NXPE2: variants seen among roughly 807,000 people sequenced by gnomAD.
The protein encoded by NXPE2 is NXPE family member 2.
A neutral mutation model predicts 34.4 loss-of-function variants in NXPE2; 34 were observed. The ratio of observed to expected loss-of-function variants is 0.99; its 90% CI spans 0.75 to 1.31. NXPE2 has a LOEUF of 1.31. NXPE2 is among the 40% of genes most tolerant of loss of function. NXPE2 has a pLI of 0.00. For synonymous variants in NXPE2, 235 were observed against 231.3 expected, an observed-to-expected ratio of 1.02 and a Z score of -0.15; for missense variants, 649 against 672.5, an observed-to-expected ratio of 0.97 and a Z score of 0.39.
the NXPE2 span, among the ~76,000 whole-genome samples, chr11:114,808,835 T>G: frequency 6.6e-6 from 1 of 152,154 alleles, no homozygotes; most frequent in Non-Finnish European, 1.5e-5. Flanking sequence ...CCTGCCTAAC[T>G]CATTTTATGA....
the NXPE2 span, among the ~76,000 whole-genome samples, chr11:114,497,609 T>A: frequency 6.6e-6 from 1 of 152,174 alleles, no homozygotes; most frequent in African/African-American, 2.4e-5. Flanking sequence ...ATAGGCAATA[T>A]CATATAGCCT....
chr11:114,693,022 A>T (rs1394135207), intron 2 of NXPE2, among the ~76,000 whole-genome samples: 1 of 152,236 alleles, frequency 6.6e-6, no homozygotes, highest in East Asian at 1.9e-4. Context: ...TTATCTCAAA[A>T]TAAAAAGCTT....
the NXPE2 span, among the ~76,000 whole-genome samples, chr11:114,785,540 CT>C: frequency 2.6e-5 from 4 of 152,152 alleles, no homozygotes; most frequent in African/African-American, 9.7e-5. Context: ...TTTCCTCCCC[CT>C]GTCTATGGTG....
At chr11:114,609,932 G>T in the NXPE2 span, among the ~76,000 whole-genome samples, 1 of 151,834 alleles carries the variant, frequency 6.6e-6, no homozygotes, top group Non-Finnish European at 1.5e-5. Flanking sequence ...TGGATAATAA[G>T]TGTTGCCTCG....
chr11:114,529,942 C>G, the NXPE2 span: 2 of 489,726 alleles, frequency 4.1e-6, no homozygotes, highest in Non-Finnish European at 3.6e-6. Flanking sequence ...AGTGGAACAT[C>G]TGTGAACACA....
upstream of NXPE2, among the ~76,000 whole-genome samples, chr11:114,674,126 C>CAAACA (rs59039274): frequency 0.034 from 2,744 of 80,990 alleles, 39 homozygotes; most frequent in African/African-American, 0.059. Flanking sequence ...AACAAACAAA[C>CAAACA]AAGTGAACAA....
At chr11:114,685,544 G>A (rs2135539330) in intron 2 of NXPE2, among the ~76,000 whole-genome samples, 1 of 152,250 alleles carries the variant, frequency 6.6e-6, no homozygotes, top group African/African-American at 2.4e-5. Context: ...ACAAATTTGG[G>A]AGAACCACAA....
chr11:114,624,298 G>A, the NXPE2 span, among the ~76,000 whole-genome samples: 1 of 152,004 alleles, frequency 6.6e-6, no homozygotes, highest in African/African-American at 2.4e-5. Context: ...CTGTTACCCG[G>A]TGGATAATAA....
chr11:114,563,601 C>T, the NXPE2 span, among the ~76,000 whole-genome samples: 2 of 152,024 alleles, frequency 1.3e-5, no homozygotes, highest in Admixed American at 1.3e-4. Context: ...CCAGAATCTA[C>T]AAGGAACTCA....
chr11:114,764,518 C>A, the NXPE2 span, among the ~76,000 whole-genome samples: 1 of 151,988 alleles, frequency 6.6e-6, no homozygotes, highest in Non-Finnish European at 1.5e-5. Context: ...CAAAATGTTA[C>A]CAACTGATGA....
chr11:114,756,285 C>A, the NXPE2 span, among the ~76,000 whole-genome samples: 1 of 152,160 alleles, frequency 6.6e-6, no homozygotes, highest in Non-Finnish European at 1.5e-5. Flanking sequence ...GGCCTGGGCA[C>A]AGGTCCCAGC....
chr11:114,574,995 T>C, the NXPE2 span, among the ~76,000 whole-genome samples: 1 of 152,108 alleles, frequency 6.6e-6, no homozygotes, highest in African/African-American at 2.4e-5. Flanking sequence ...TAATCCACCA[T>C]GATCAAGTGG....
At chr11:114,624,064 C>A in the NXPE2 span, among the ~76,000 whole-genome samples, 3 of 151,720 alleles carry the variant, frequency 2.0e-5, no homozygotes, top group Non-Finnish European at 4.4e-5. Flanking sequence ...TGAGTGTTGT[C>A]TTGTGGGTAA....
the NXPE2 span, among the ~76,000 whole-genome samples, chr11:114,776,502 CT>C: frequency 6.6e-6 from 1 of 152,246 alleles, no homozygotes; most frequent in African/African-American, 2.4e-5. Flanking sequence ...AGCGGAGATA[CT>C]GTCAATTACA....
At chr11:114,780,276 G>C in the NXPE2 span, among the ~76,000 whole-genome samples, 1,805 of 152,354 alleles carry the variant, frequency 0.012, 31 homozygotes, top group African/African-American at 0.041. Flanking sequence ...TTCAGCAGCT[G>C]CTGGGCTCCT....
chr11:114,567,505 G>GT, the NXPE2 span, among the ~76,000 whole-genome samples: 1 of 151,722 alleles, frequency 6.6e-6, no homozygotes, highest in African/African-American at 2.4e-5. Context: ...CTTCTTTCAA[G>GT]TTTTTTTTGG....
At chr11:114,580,213 A>G in the NXPE2 span, 1 of 1,614,090 alleles carries the variant, frequency 6.2e-7, no homozygotes, top group Non-Finnish European at 8.5e-7. Context: ...CCTCTCAGGC[A>G]TTCCTTCATT....
chr11:114,557,658 TATATATATATATATAA>T, the NXPE2 span, among the ~76,000 whole-genome samples: 27 of 89,600 alleles, frequency 3.0e-4, no homozygotes, highest in African/African-American at 1.1e-3. Context: ...TATATATATA[TATATATATATATATAA>T]AATCCTTGTT....
At chr11:114,546,345 G>A in the NXPE2 span, among the ~76,000 whole-genome samples, 2 of 152,136 alleles carry the variant, frequency 1.3e-5, no homozygotes, top group East Asian at 1.9e-4. Flanking sequence ...TGTAGTGATA[G>A]ATGAGAGAAA....
Sources: gnomAD v4.1 joint callset for allele counts (sites outside exome capture counted in the v4.1 genomes callset) on GRCh38, gnomAD v4.1.1 for gene constraint, MANE v1.5 for transcripts, NCBI Gene and HGNC (gene_info 2026-07-23, HGNC 2026-07-21) for gene names.